CNTN4: variants seen among roughly 807,000 people sequenced by gnomAD.
CNTN4 encodes contactin 4.
CNTN4 carries 77 observed loss-of-function variants against 122.5 expected under a neutral mutation model. That is an observed-to-expected ratio of 0.63 (90% confidence interval 0.52 to 0.76). CNTN4 has a LOEUF of 0.76. Ranked by LOEUF, CNTN4 falls within the 30% of genes least tolerant of loss-of-function variation. The pLI is 0.00. For missense variants in CNTN4, 1,256 were observed against 1,259.1 expected, an observed-to-expected ratio of 1.00 and a Z score of 0.04; for synonymous variants, 512 against 447.0, an observed-to-expected ratio of 1.15 and a Z score of -1.83.
chr3:2,254,591 C>CGT (rs2040504713), intron 2 of CNTN4, among the ~76,000 whole-genome samples: 1 of 152,046 alleles, frequency 6.6e-6, no homozygotes, highest in Non-Finnish European at 1.5e-5. Context: ...ATCTAACTGG[C>CGT]GTGAGATGGT....
chr3:2,226,260 C>A (rs914640105), intron 2 of CNTN4, among the ~76,000 whole-genome samples: 8 of 152,082 alleles, frequency 5.3e-5, no homozygotes, highest in African/African-American at 1.9e-4. Context: ...TTGGACTTGC[C>A]TCGTCTACAT....
chr3:2,417,278 G>GAA (rs1255985381), intron 3 of CNTN4, among the ~76,000 whole-genome samples: 2 of 152,222 alleles, frequency 1.3e-5, no homozygotes, highest in Non-Finnish European at 2.9e-5. Flanking sequence ...GACAGTTGGT[G>GAA]AAAAATTCTA....
chr3:2,376,022 G>A (rs1264988324), intron 3 of CNTN4, among the ~76,000 whole-genome samples: 1 of 151,972 alleles, frequency 6.6e-6, no homozygotes, highest in African/African-American at 2.4e-5. Flanking sequence ...AGCATAGACG[G>A]GTGCCCTACC....
intron 3 of CNTN4, among the ~76,000 whole-genome samples, chr3:2,383,763 C>T (rs1427901668): frequency 6.7e-6 from 1 of 149,914 alleles, no homozygotes; most frequent in East Asian, 2.0e-4. Flanking sequence ...CTCTCTTCTC[C>T]CTCTCCTCTC....
chr3:2,218,967 C>T (rs1183149), intron 2 of CNTN4, among the ~76,000 whole-genome samples: 59,397 of 151,986 alleles, frequency 0.39, 11,695 homozygotes, highest in Non-Finnish European at 0.41. Context: ...GAGAGAATGC[C>T]GGAGCTGAAG....
At chr3:2,249,312 A>G (rs1338699510) in intron 2 of CNTN4, among the ~76,000 whole-genome samples, 1 of 151,936 alleles carries the variant, frequency 6.6e-6, no homozygotes, top group Non-Finnish European at 1.5e-5. Context: ...GGCATGTAGT[A>G]TCACATCCAA....
intron 13 of CNTN4, among the ~76,000 whole-genome samples, chr3:2,961,540 A>T (rs1156457804): frequency 6.6e-6 from 1 of 152,188 alleles, no homozygotes; most frequent in African/African-American, 2.4e-5. Flanking sequence ...AGCATACCTT[A>T]CATAAAAATA....
intron 3 of CNTN4, among the ~76,000 whole-genome samples, chr3:2,458,218 G>T (rs1226867332): frequency 6.6e-6 from 1 of 152,076 alleles, no homozygotes; most frequent in Non-Finnish European, 1.5e-5. Flanking sequence ...TAATTTAACT[G>T]TGCTACAATG....
chr3:2,432,679 T>C (rs890839843), intron 3 of CNTN4, among the ~76,000 whole-genome samples: 1 of 152,102 alleles, frequency 6.6e-6, no homozygotes, highest in Non-Finnish European at 1.5e-5. Context: ...TATGTGTGTG[T>C]ATGTATATAT....
chr3:2,291,736 T>C (rs1321526624), intron 2 of CNTN4, among the ~76,000 whole-genome samples: 1 of 152,028 alleles, frequency 6.6e-6, no homozygotes, highest in Non-Finnish European at 1.5e-5. Flanking sequence ...TTTTATTTTA[T>C]TTATTAACTT....
chr3:2,778,553 T>C (rs1382208497), intron 6 of CNTN4, among the ~76,000 whole-genome samples: 1 of 152,182 alleles, frequency 6.6e-6, no homozygotes, highest in Non-Finnish European at 1.5e-5. Context: ...ATATTCATTA[T>C]AAAAATTTTA....
chr3:2,504,798 A>G (rs1343757019), intron 3 of CNTN4, among the ~76,000 whole-genome samples: 6 of 152,218 alleles, frequency 3.9e-5, no homozygotes, highest in Admixed American at 3.9e-4. Context: ...ACAAAAAAGC[A>G]ACCAGAAAAA....
intron 5 of CNTN4, among the ~76,000 whole-genome samples, chr3:2,740,255 G>C (rs906644890): frequency 3.3e-5 from 5 of 152,136 alleles, no homozygotes; most frequent in Admixed American, 1.3e-4. Context: ...AGCTAGTCAG[G>C]AGGCTGAGGT....
At chr3:2,738,785 T>C (rs1340726325) in intron 5 of CNTN4, among the ~76,000 whole-genome samples, 2 of 152,076 alleles carry the variant, frequency 1.3e-5, no homozygotes, top group Non-Finnish European at 2.9e-5. Flanking sequence ...AAGACCTAAA[T>C]GGGAAATTTG....
intron 6 of CNTN4, among the ~76,000 whole-genome samples, chr3:2,806,090 C>CG (rs1186681191): frequency 6.6e-6 from 1 of 151,996 alleles, no homozygotes; most frequent in Non-Finnish European, 1.5e-5. Context: ...TTCAGAGAGA[C>CG]GGGGGTCTCA....
At chr3:2,761,112 C>T (rs955841214) in intron 6 of CNTN4, among the ~76,000 whole-genome samples, 5 of 152,138 alleles carry the variant, frequency 3.3e-5, no homozygotes, top group Non-Finnish European at 7.4e-5. Flanking sequence ...CTAAAAGGCC[C>T]ACCTTGTACT....
Position 2,208,708 on chromosome 3 carries a change from G to A in CNTN4, c.-145+108069G>A, listed in dbSNP as rs1216887887. Among the ~76,000 whole-genome samples, 6 of 152,168 alleles carry A rather than the reference G, an allele frequency of 3.9e-5. 1 individual carries two copies. Among genetic ancestry groups the A allele is most frequent in the African/African-American group, 1.4e-4 (6 of 41,530 alleles). On this transcript the variant is annotated intron_variant, in intron 2 of 24. Transcript: ENST00000418658. ...GTCTATCTATGCAGCAAACATTGTT[G>A]TCTTATTTTCAGAAATGGCCACAGT... is the stretch of plus-strand genomic sequence containing the variant.
At chr3:2,625,787 G>A (rs2082161711) in intron 4 of CNTN4, among the ~76,000 whole-genome samples, 1 of 151,864 alleles carries the variant, frequency 6.6e-6, no homozygotes, top group Non-Finnish European at 1.5e-5. Flanking sequence ...TATGAATATT[G>A]TTAAATATGT....
At chr3:2,187,423 G>C (rs1161310878) in intron 2 of CNTN4, among the ~76,000 whole-genome samples, 1 of 151,818 alleles carries the variant, frequency 6.6e-6, no homozygotes, top group Non-Finnish European at 1.5e-5. Flanking sequence ...TCTTTTTTGG[G>C]AATCATTGGT....
Sources: allele counts gnomAD v4.1 joint callset (sites outside exome capture counted in the v4.1 genomes callset), GRCh38; gene constraint gnomAD v4.1.1; transcripts MANE v1.5; gene names NCBI Gene and HGNC (gene_info 2026-07-23, HGNC 2026-07-21).